Variants in CREB5 observed in about 807,000 individuals in gnomAD.
CREB5 encodes the protein cAMP responsive element binding protein 5, also known as cyclic AMP-responsive element-binding protein 5.
A neutral mutation model predicts 57.1 loss-of-function variants in CREB5; 19 were observed. The ratio of observed to expected loss-of-function variants is 0.33; its 90% confidence interval spans 0.23 to 0.49. The LOEUF is 0.49. CREB5 is among the 20% of genes least tolerant of loss of function. CREB5 has a pLI of 0.99. For missense variants in CREB5, 579 were observed against 671.6 expected (o/e 0.86, Z 1.52); for synonymous variants, 238 against 238.3 (o/e 1.00, Z 0.01).
intron 7 of CREB5, among the ~76,000 whole-genome samples, chr7:28,803,618 A>G (rs957728921): frequency 5.3e-5 from 8 of 151,998 alleles, no homozygotes; most frequent in African/African-American, 1.9e-4. Context: ...TTAGCTGGGC[A>G]TGGTGGCAGA....
intron 1 of CREB5, among the ~76,000 whole-genome samples, chr7:28,462,780 A>G (rs1204925345): frequency 6.6e-6 from 1 of 152,008 alleles, no homozygotes; most frequent in Admixed American, 6.5e-5. Flanking sequence ...TTTATTGTTT[A>G]GTTGCAAGAA....
At chr7:28,334,348 G>A (rs965376702) in intron 1 of CREB5, among the ~76,000 whole-genome samples, 2 of 152,040 alleles carry the variant, frequency 1.3e-5, no homozygotes, top group African/African-American at 4.8e-5. Context: ...GTAGAGACGG[G>A]GTTTCACCAT....
Position 28,514,691 on chromosome 7 carries a change from G to A in CREB5, c.291+6954G>A, listed in dbSNP as rs1391286872. 3.3e-5 allele frequency among the ~76,000 whole-genome samples: 5 copies of A among 152,306 alleles called. No homozygotes were observed. The South Asian group carries it at 8.3e-4, about 25-fold the overall frequency. On this transcript the variant is annotated intron_variant, in intron 4 of 10. Coordinates refer to ENST00000357727, the MANE Select transcript of CREB5 (RefSeq NM_182898.4). ...TTACAGGCGTGAGCCACCGCGCCTG[G>A]CCTATCACAGGTTTTATTTATATTT...
intron 5 of CREB5, among the ~76,000 whole-genome samples, chr7:28,712,380 T>C (rs1802440118): frequency 6.6e-6 from 1 of 151,268 alleles, no homozygotes; most frequent in Non-Finnish European, 1.5e-5. Context: ...TAGTGGCACA[T>C]GCCTGTAATC....
At chr7:28,513,801 T>C (rs931985762) in intron 4 of CREB5, 3 of 152,236 alleles carry the variant, frequency 2.0e-5, no homozygotes, top group African/African-American at 7.2e-5. Flanking sequence ...GCAGGGATTA[T>C]TAAGAGTTGG....
intron 5 of CREB5, among the ~76,000 whole-genome samples, chr7:28,638,830 C>G (rs1798532233): frequency 6.6e-6 from 1 of 152,070 alleles, no homozygotes; most frequent in African/African-American, 2.4e-5. Context: ...GAGAACAAAA[C>G]TTGGAAATAT....
chr7:28,606,660 T>C (rs1562524230), intron 5 of CREB5, among the ~76,000 whole-genome samples: 1 of 152,202 alleles, frequency 6.6e-6, no homozygotes, highest in South Asian at 2.1e-4. Context: ...CTTTTCTTTT[T>C]AATTGGCTCA....
chr7:28,661,400 T>TTC (rs754156317), intron 5 of CREB5, among the ~76,000 whole-genome samples: 4 of 152,116 alleles, frequency 2.6e-5, no homozygotes, highest in Non-Finnish European at 4.4e-5. Flanking sequence ...CCCATAAATA[T>TTC]TCTCTCTCTC....
At chr7:28,486,606 G>T (rs940220201) in intron 1 of CREB5, among the ~76,000 whole-genome samples, 1 of 144,550 alleles carries the variant, frequency 6.9e-6, no homozygotes, top group East Asian at 2.0e-4. Context: ...AAGAGGGGGG[G>T]TATGATATAG....
chr7:28,456,036 C>T (rs1237762261), intron 1 of CREB5, among the ~76,000 whole-genome samples: 1 of 152,172 alleles, frequency 6.6e-6, no homozygotes, highest in Non-Finnish European at 1.5e-5. Context: ...GGGACCATCG[C>T]ATTTTCTCTG....
intron 7 of CREB5, 109 bp downstream of exon 7, chr7:28,724,441 T>C (rs1803224069): frequency 2.2e-6 from 2 of 894,162 alleles, no homozygotes; most frequent in African/African-American, 1.7e-5. Flanking sequence ...CATCTTTGTT[T>C]TGGTGAATGA....
At position 28,504,451 on chromosome 7, in the gene CREB5, T is replaced by G. The variant is rs144909158; in HGVS notation, c.170-3165T>G. Among the ~76,000 whole-genome samples, 13 of 152,244 alleles carry G rather than the reference T, an allele frequency of 8.5e-5. No homozygotes were observed. In the East Asian group the frequency reaches 2.5e-3, roughly 29 times the overall value. ...TCATTGAGTATTGATAGGAGGCCCT[T>G]GGGGGGTTTACAGGAGCTGGTTTCA... On this transcript the variant is annotated intron_variant, in intron 3 of 10. Coordinates refer to ENST00000357727, the MANE Select transcript of CREB5 (RefSeq NM_182898.4).
chr7:28,442,332 C>T (rs951929324), intron 1 of CREB5, among the ~76,000 whole-genome samples: 1 of 152,080 alleles, frequency 6.6e-6, no homozygotes, highest in Non-Finnish European at 1.5e-5. Context: ...TTTCTTCATC[C>T]GTTCATCTGT....
intron 5 of CREB5, among the ~76,000 whole-genome samples, chr7:28,682,287 T>C (rs1217671820): frequency 6.6e-6 from 1 of 152,228 alleles, no homozygotes; most frequent in Admixed American, 6.5e-5. Context: ...GGATGCATGC[T>C]GCACCAGGTC....
At chr7:28,507,534 G>C (rs1792528827) in intron 3 of CREB5, 82 bp from the exon 4 acceptor site, 1 of 1,482,888 alleles carries the variant, frequency 6.7e-7, no homozygotes, top group South Asian at 1.4e-5. Context: ...GCAAGGGGAG[G>C]GGATTAGTGA....
chr7:28,767,773 T>C (rs1313982864), intron 7 of CREB5, among the ~76,000 whole-genome samples: 1 of 152,166 alleles, frequency 6.6e-6, no homozygotes, highest in Admixed American at 6.5e-5. Flanking sequence ...GCTTCCAAGC[T>C]CCCAACTGGG....
At chr7:28,331,547 T>G (rs1251823376) in intron 1 of CREB5, among the ~76,000 whole-genome samples, 1 of 152,176 alleles carries the variant, frequency 6.6e-6, no homozygotes, top group Non-Finnish European at 1.5e-5. Context: ...GCCAGCATAC[T>G]CTTCCCTCTG....
chr7:28,560,963 T>TGTGCGTGCGTGCGCGTGC lies in CREB5; in HGVS notation c.292-9399_292-9398insCGTGCGTGCGCGTGCGTG, dbSNP rs1795217319. On this transcript the variant is annotated intron_variant, in intron 4 of 10. Coordinates refer to ENST00000357727, the MANE Select transcript of CREB5 (RefSeq NM_182898.4). ...GTGCGTGTGTGTGCGTGTGTGTGCG[T>TGTGCGTGCGTGCGCGTGC]GTGTGTGTGCGTGTGTGCGTGCGTG... Among the ~76,000 whole-genome samples, 8 of 48,106 alleles carry TGTGCGTGCGTGCGCGTGC rather than the reference T, an allele frequency of 1.7e-4. 1 individual carries two copies. The highest frequency in any genetic ancestry group is 3.1e-4 in the Non-Finnish European group (8 of 25,748). The allele number at this position is 48,106 out of a possible 152,430, so 31.6% of individuals were successfully genotyped here.
intron 1 of CREB5, among the ~76,000 whole-genome samples, chr7:28,368,298 A>T (rs913299788): frequency 5.9e-5 from 9 of 152,202 alleles, no homozygotes; most frequent in African/African-American, 2.2e-4. Flanking sequence ...TATTCGGGTG[A>T]CAAGTACATG....
Sources: allele counts gnomAD v4.1 joint callset (sites outside exome capture counted in the v4.1 genomes callset), GRCh38; gene constraint gnomAD v4.1.1; transcripts MANE v1.5; gene names NCBI Gene and HGNC (gene_info 2026-07-23, HGNC 2026-07-21).